The following CADM2 variants were observed in gnomAD, a reference collection of about 807,000 sequenced individuals.
CADM2 encodes the protein immunoglobulin superfamily member 4D.
Under a neutral mutation model 49.8 loss-of-function variants are expected in CADM2, and 12 were observed. The ratio of observed to expected loss-of-function variants is 0.24; its 90% CI spans 0.15 to 0.39. CADM2 has a LOEUF of 0.39. Among genes scored for constraint, CADM2 ranks in the 10% least tolerant of loss-of-function variants. The pLI is 1.00. For synonymous variants in CADM2, 214 were observed against 175.4 expected (o/e 1.22, Z -1.74); for missense variants, 378 against 492.3 (o/e 0.77, Z 2.20).
chr3:85,522,100 A>C (rs1018001859), intron 1 of CADM2, among the ~76,000 whole-genome samples: 6 of 151,778 alleles, frequency 4.0e-5, no homozygotes, highest in Non-Finnish European at 8.8e-5. Context: ...ATTTCATCCC[A>C]CTAATCTCTT....
chr3:85,329,499 G>A (rs1324933562), intron 1 of CADM2, among the ~76,000 whole-genome samples: 1 of 151,950 alleles, frequency 6.6e-6, no homozygotes, highest in Non-Finnish European at 1.5e-5. Context: ...GAACCCAGGG[G>A]GCGGAGGTTG....
At chr3:85,250,158 C>T (rs1266171412) in intron 1 of CADM2, among the ~76,000 whole-genome samples, 2 of 151,472 alleles carry the variant, frequency 1.3e-5, no homozygotes. Context: ...AATGTTCTAG[C>T]CATTCTTAAA....
In CADM2 at chr3:86,033,532, C is replaced by A. The variant is rs78446597; in HGVS notation, c.971-32073C>A. The stretch of plus-strand genomic sequence containing the variant: ...GAGTTTTATTTTAACTCAGTAACAT[C>A]CTTAAATAGTCTTGAATTGTTCTAC... On this transcript the variant is annotated intron_variant, in intron 8 of 9. Transcript: ENST00000383699. Among the ~76,000 whole-genome samples the A allele has an allele frequency of 6.4e-3, 967 of 151,380 alleles. 10 individuals carry two copies. The highest frequency in any genetic ancestry group is 0.023 in the African/African-American group (935 of 41,358).
At chr3:84,964,531 A>G (rs575370757) in intron 1 of CADM2, among the ~76,000 whole-genome samples, 1 of 152,306 alleles carries the variant, frequency 6.6e-6, no homozygotes, top group South Asian at 2.1e-4. Context: ...TATTAAACCC[A>G]TTGGCTAAGT....
At chr3:85,909,925 T>G (rs1020502752) in intron 5 of CADM2, among the ~76,000 whole-genome samples, 3 of 152,182 alleles carry the variant, frequency 2.0e-5, no homozygotes, top group Admixed American at 6.5e-5. Flanking sequence ...TGAGAAAAGA[T>G]ATTATGATTG....
chr3:85,887,013 A>G (rs1713754550), intron 5 of CADM2, among the ~76,000 whole-genome samples: 1 of 152,090 alleles, frequency 6.6e-6, no homozygotes, highest in African/African-American at 2.4e-5. Flanking sequence ...AATATGTATT[A>G]TTTTCAACAT....
intron 1 of CADM2, among the ~76,000 whole-genome samples, chr3:85,106,532 A>T (rs534030922): frequency 5.5e-4 from 84 of 152,300 alleles, no homozygotes; most frequent in Non-Finnish European, 1.1e-3. Flanking sequence ...ATATTGTGGC[A>T]TATTATGTGA....
intron 1 of CADM2, among the ~76,000 whole-genome samples, chr3:85,438,460 G>A (rs2037035449): frequency 6.6e-6 from 1 of 151,974 alleles, no homozygotes; most frequent in African/African-American, 2.4e-5. Flanking sequence ...GTTATGGTTA[G>A]TGATTCCCTC....
At chr3:85,908,891 A>G (rs1440683529) in intron 5 of CADM2, among the ~76,000 whole-genome samples, 1 of 151,692 alleles carries the variant, frequency 6.6e-6, no homozygotes, top group South Asian at 2.1e-4. Flanking sequence ...GGCCCAGCTA[A>G]TTTTTTGTAT....
chr3:85,587,972 G>T (rs1039244435), intron 1 of CADM2, among the ~76,000 whole-genome samples: 1 of 151,898 alleles, frequency 6.6e-6, no homozygotes, highest in African/African-American at 2.4e-5. Context: ...TTGCCATGTT[G>T]CCCAAGCTGG....
chr3:85,310,288 A>G (rs2044311792), intron 1 of CADM2, among the ~76,000 whole-genome samples: 2 of 151,406 alleles, frequency 1.3e-5, no homozygotes, highest in South Asian at 4.2e-4. Flanking sequence ...ATAAAATTTC[A>G]GGGCACGGAC....
At chr3:85,126,106 T>C (rs927393403) in intron 1 of CADM2, among the ~76,000 whole-genome samples, 1 of 152,194 alleles carries the variant, frequency 6.6e-6, no homozygotes, top group Non-Finnish European at 1.5e-5. Context: ...TTGAGCAGCA[T>C]TTAATACTGT....
At chr3:84,990,814 A>G (rs1453686594) in intron 1 of CADM2, among the ~76,000 whole-genome samples, 1 of 152,126 alleles carries the variant, frequency 6.6e-6, no homozygotes, top group Non-Finnish European at 1.5e-5. Flanking sequence ...ATTAATTCAC[A>G]TAAGCTTATT....
At chr3:85,285,474 G>A (rs2043611461) in intron 1 of CADM2, among the ~76,000 whole-genome samples, 1 of 152,106 alleles carries the variant, frequency 6.6e-6, no homozygotes, top group Non-Finnish European at 1.5e-5. Flanking sequence ...TCAGGAGTGA[G>A]TTAGAAACTA....
intron 2 of CADM2, among the ~76,000 whole-genome samples, chr3:85,761,954 T>C (rs1378832971): frequency 1.3e-5 from 2 of 152,156 alleles, no homozygotes; most frequent in Non-Finnish European, 2.9e-5. Context: ...ATGTGAGTGG[T>C]ACACACCAAC....
intron 7 of CADM2, among the ~76,000 whole-genome samples, chr3:85,936,174 G>T (rs66680800): frequency 0.38 from 57,466 of 151,308 alleles, 11,071 homozygotes; most frequent in Admixed American, 0.43. Flanking sequence ...GCACACCGTT[G>T]AATTCAGTTC....
chr3:84,959,040 C>T lies in CADM2; in HGVS notation c.-568C>T, dbSNP rs1310766989. On this transcript the variant is annotated 5_prime_UTR_variant, in exon 1 of 10. Coordinates refer to ENST00000383699, the MANE Select transcript of CADM2 (RefSeq NM_001167675.2). ...GCTGCCGCCACAGCCGCCGCTGCAG[C>T]CGGAGCATCCGGGAGCCGCCACTGC... 3 of 198,206 alleles carry T rather than the reference C, an allele frequency of 1.5e-5. No individual in the cohort carries two copies. Among genetic ancestry groups the T allele is most frequent in the Admixed American group, 6.3e-5 (1 of 15,758 alleles). The allele number at this position is 198,206 out of a possible 1,614,324, so 12.3% of individuals were successfully genotyped here. A position where few individuals can be genotyped will look rare whatever the true frequency, so the allele number is the denominator to read the frequency against.
intron 1 of CADM2, among the ~76,000 whole-genome samples, chr3:85,601,663 T>C (rs774264291): frequency 6.6e-6 from 1 of 151,610 alleles, no homozygotes; most frequent in Non-Finnish European, 1.5e-5. Context: ...GGTTAATGAG[T>C]ATTTGAATCT....
chr3:85,211,773 T>C (rs1228660390), intron 1 of CADM2, among the ~76,000 whole-genome samples: 1 of 152,174 alleles, frequency 6.6e-6, no homozygotes, highest in African/African-American at 2.4e-5. Context: ...TGAAATATTC[T>C]GTAAATATCT....
Sources: gnomAD v4.1 joint callset for allele counts (sites outside exome capture counted in the v4.1 genomes callset) on GRCh38, gnomAD v4.1.1 for gene constraint, MANE v1.5 for transcripts, NCBI Gene and HGNC (gene_info 2026-07-23, HGNC 2026-07-21) for gene names.